Variants in NKAIN3 observed in about 807,000 individuals in gnomAD.
NKAIN3 encodes the protein sodium/potassium transporting ATPase interacting 3.
NKAIN3 carries 25 observed loss-of-function variants against 30.2 expected under a neutral mutation model. The ratio of observed to expected loss-of-function variants is 0.83; its 90% CI spans 0.60 to 1.16. NKAIN3 has a LOEUF of 1.16. Ranked by LOEUF, NKAIN3 falls within the 50% of genes most tolerant of loss-of-function variation. NKAIN3 has a pLI of 0.00. For missense variants in NKAIN3, 225 were observed against 254.1 expected, an observed-to-expected ratio of 0.89 and a Z score of 0.78; for synonymous variants, 91 against 89.6, an observed-to-expected ratio of 1.02 and a Z score of -0.09.
At chr8:62,416,453 T>C (rs558524864) in intron 1 of NKAIN3, among the ~76,000 whole-genome samples, 1 of 152,326 alleles carries the variant, frequency 6.6e-6, no homozygotes, top group South Asian at 2.1e-4. Flanking sequence ...TAGAATGATC[T>C]TAACCTGTTC....
At chr8:62,773,039 C>G (rs1345490657) in intron 4 of NKAIN3, among the ~76,000 whole-genome samples, 1 of 151,952 alleles carries the variant, frequency 6.6e-6, no homozygotes, top group Non-Finnish European at 1.5e-5. Flanking sequence ...GGTTATTAAT[C>G]TCCTGTCAGA....
intron 1 of NKAIN3, among the ~76,000 whole-genome samples, chr8:62,259,660 G>C (rs868637139): frequency 6.6e-6 from 1 of 152,164 alleles, no homozygotes; most frequent in East Asian, 1.9e-4. Flanking sequence ...CCCTGTAATG[G>C]AACATTCTTA....
At chr8:62,394,083 T>C (rs2129594733) in intron 1 of NKAIN3, among the ~76,000 whole-genome samples, 1 of 152,306 alleles carries the variant, frequency 6.6e-6, no homozygotes, top group African/African-American at 2.4e-5. Flanking sequence ...TTATTTCTTT[T>C]TTGTCTTGCT....
At chr8:62,934,011 C>T (rs908004976) in intron 5 of NKAIN3, among the ~76,000 whole-genome samples, 30 of 152,270 alleles carry the variant, frequency 2.0e-4, no homozygotes, top group African/African-American at 6.3e-4. Context: ...GGCATATCTA[C>T]TATAGAGAAA....
chr8:62,460,001 A>G (rs1805940004), intron 1 of NKAIN3, among the ~76,000 whole-genome samples: 1 of 152,212 alleles, frequency 6.6e-6, no homozygotes, highest in Non-Finnish European at 1.5e-5. Context: ...AATGTGGTAC[A>G]ATTCAAAACA....
chr8:62,896,483 C>T (rs1333138428), intron 4 of NKAIN3, among the ~76,000 whole-genome samples: 1 of 152,104 alleles, frequency 6.6e-6, no homozygotes, highest in Admixed American at 6.6e-5. Flanking sequence ...GTCCTGCCTC[C>T]CAGATCTCAG....
chr8:62,518,865 G>A (rs1035288543), intron 1 of NKAIN3, among the ~76,000 whole-genome samples: 1 of 152,084 alleles, frequency 6.6e-6, no homozygotes, highest in Non-Finnish European at 1.5e-5. Flanking sequence ...CTGCTAACTA[G>A]CTTCAGGATT....
chr8:62,845,912 A>G (rs760721905), intron 4 of NKAIN3, among the ~76,000 whole-genome samples: 8 of 152,162 alleles, frequency 5.3e-5, no homozygotes, highest in Admixed American at 2.0e-4. Context: ...TCTGTATTCT[A>G]TTGATTTACT....
intron 4 of NKAIN3, among the ~76,000 whole-genome samples, chr8:62,881,130 T>C (rs564390150): frequency 6.6e-5 from 10 of 152,324 alleles, no homozygotes; most frequent in African/African-American, 1.9e-4. Flanking sequence ...AAGCCCATCA[T>C]TTTACATTAG....
At chr8:62,400,587 G>C (rs1443197435) in intron 1 of NKAIN3, among the ~76,000 whole-genome samples, 3 of 152,156 alleles carry the variant, frequency 2.0e-5, no homozygotes, top group African/African-American at 7.2e-5. Flanking sequence ...TTGTAGGACA[G>C]GTCTTGTGTT....
Position 62,879,037 on chromosome 8 carries a change from T to A in NKAIN3, c.472-39416T>A, listed in dbSNP as rs181192588. Among the ~76,000 whole-genome samples the A allele has an allele frequency of 6.6e-3, 1,009 of 152,346 alleles. 3 individuals are homozygous for A. The highest frequency in any genetic ancestry group is 0.011 in the Non-Finnish European group (763 of 68,040). On this transcript the variant is annotated intron_variant, in intron 4 of 6. Transcript: ENST00000623646. The stretch of plus-strand genomic sequence containing the variant: ...TTTGGGTATATACCCAGTAATGGGA[T>A]GGCTGAGTCAAATGGTATTTCTAGT...
chr8:62,875,748 A>G (rs1473325602), intron 4 of NKAIN3, among the ~76,000 whole-genome samples: 3 of 152,208 alleles, frequency 2.0e-5, no homozygotes. Context: ...TATTCAGGAA[A>G]TGGTGCTTGG....
intron 5 of NKAIN3, chr8:62,990,063 G>T: frequency 1.6e-6 from 1 of 614,858 alleles, no homozygotes; most frequent in South Asian, 2.3e-5. Flanking sequence ...CACTTATATT[G>T]ACTTTTATTA....
intron 4 of NKAIN3, among the ~76,000 whole-genome samples, chr8:62,768,627 A>G (rs1816920831): frequency 6.6e-6 from 1 of 152,182 alleles, no homozygotes; most frequent in African/African-American, 2.4e-5. Flanking sequence ...TCAACAGGAA[A>G]TAGCAGCTCT....
chr8:62,845,285 TTATATATATATA>T lies in NKAIN3; in HGVS notation c.472-73151_472-73140del, dbSNP rs10525699. On this transcript the variant is annotated intron_variant, in intron 4 of 6. Transcript: ENST00000623646. ...ATTCATTGACCTGCTGGATAGTAGA[TTATATATATATA>T]TATATATATATATATAGTACCTAAT... Among the ~76,000 whole-genome samples, 16 of 68,928 alleles carry T rather than the reference TTATATATATATA, an allele frequency of 2.3e-4. 1 individual carries two copies. The highest frequency in any genetic ancestry group is 1.3e-3 in the East Asian group (3 of 2,276). The allele number at this position is 68,928 out of a possible 152,430, so 45.2% of individuals were successfully genotyped here.
intron 3 of NKAIN3, among the ~76,000 whole-genome samples, chr8:62,666,540 T>A (rs1459181670): frequency 6.6e-6 from 1 of 152,186 alleles, no homozygotes; most frequent in Non-Finnish European, 1.5e-5. Context: ...TGTAGTTTTA[T>A]CAGCTTTAAA....
chr8:62,568,428 T>C (rs1471336205), intron 1 of NKAIN3, among the ~76,000 whole-genome samples: 4 of 152,212 alleles, frequency 2.6e-5, no homozygotes, highest in African/African-American at 9.6e-5. Context: ...ATTTCTTTAA[T>C]ATATTTGCCT....
intron 4 of NKAIN3, among the ~76,000 whole-genome samples, chr8:62,895,933 T>C (rs1209579997): frequency 6.6e-6 from 1 of 152,094 alleles, no homozygotes; most frequent in African/African-American, 2.4e-5. Context: ...TTTCTAATCA[T>C]TAAAACCAAA....
At chr8:62,346,684 G>A (rs781393115) in intron 1 of NKAIN3, among the ~76,000 whole-genome samples, 3 of 152,190 alleles carry the variant, frequency 2.0e-5, no homozygotes, top group Non-Finnish European at 4.4e-5. Flanking sequence ...CATGGGAGTT[G>A]TGTTCTAGGT....
Sources: gnomAD v4.1 joint callset for allele counts (sites outside exome capture counted in the v4.1 genomes callset) on GRCh38, gnomAD v4.1.1 for gene constraint, MANE v1.5 for transcripts, NCBI Gene and HGNC (gene_info 2026-07-23, HGNC 2026-07-21) for gene names.